PLXDC2: variants seen among roughly 807,000 people sequenced by gnomAD.
The protein encoded by PLXDC2 is plexin domain-containing protein 2.
Under a neutral mutation model 68.9 loss-of-function variants are expected in PLXDC2, and 40 were observed. The observed-to-expected ratio is 0.58, with a 90% CI of 0.45 to 0.76. The LOEUF (loss-of-function observed/expected upper bound fraction) is 0.76. PLXDC2 is among the 30% of genes least tolerant of loss of function. The pLI, the probability that PLXDC2 is intolerant of heterozygous loss-of-function variation, is 0.00. For synonymous variants in PLXDC2, 243 were observed against 234.2 expected (o/e 1.04, Z -0.34); for missense variants, 644 against 661.9 (o/e 0.97, Z 0.30).
rs1836094441 is a variant in PLXDC2, at chr10:20,282,495, T to C, written c.*2676T>C. The C allele has an allele frequency of 6.6e-6, 1 of 152,136 alleles. No homozygotes were observed. The highest frequency in any genetic ancestry group is 1.5e-5 in the Non-Finnish European group (1 of 68,018). The allele number at this position is 152,136 out of a possible 1,614,324, so 9.4% of individuals were successfully genotyped here. A position where few individuals can be genotyped will look rare whatever the true frequency, so the allele number is the denominator to read the frequency against. Reference sequence around the variant, plus strand: ...CAAACTTCTGGATAAATCAGATAAATGGTGCTACAGAGGAATTTAGTTATT... The same window carrying C: ...CAAACTTCTGGATAAATCAGATAAACGGTGCTACAGAGGAATTTAGTTATT... On this transcript the variant is annotated 3_prime_UTR_variant, in exon 14 of 14. Transcript: ENST00000377252.
chr10:20,022,057 A>T (rs1003109232), intron 2 of PLXDC2, among the ~76,000 whole-genome samples: 2 of 152,238 alleles, frequency 1.3e-5, no homozygotes, highest in Admixed American at 6.5e-5. Flanking sequence ...CTCAGCAAGA[A>T]TGCATCACGG....
At chr10:20,179,283 A>T (rs1351826076) in intron 9 of PLXDC2, among the ~76,000 whole-genome samples, 1 of 152,030 alleles carries the variant, frequency 6.6e-6, no homozygotes, top group Non-Finnish European at 1.5e-5. Flanking sequence ...ACGCTTGTTC[A>T]TTTGTCGTCT....
intron 4 of PLXDC2, among the ~76,000 whole-genome samples, chr10:20,126,465 C>CAT (rs374224384): frequency 0.068 from 3,338 of 48,840 alleles, 1,177 homozygotes; most frequent in Middle Eastern, 0.25. Context: ...ATACAACACA[C>CAT]GTTATATATG....
Position 20,249,698 on chromosome 10 carries a change from C to T in PLXDC2, c.1473+4193C>T, listed in dbSNP as rs546663396. Among the ~76,000 whole-genome samples, 16 of 152,176 alleles carry T rather than the reference C, an allele frequency of 1.1e-4. No individual in the cohort carries two copies. The South Asian group carries it at 2.9e-3, about 28-fold the overall frequency. On this transcript the variant is annotated intron_variant, in intron 13 of 13. Coordinates refer to ENST00000377252, the MANE Select transcript of PLXDC2 (RefSeq NM_032812.9). ...CCACATCTGCAAAGTTCCTTTTTAC[C>T]GTGTAAGGTAACATTGACACCTTTT...
intron 10 of PLXDC2, among the ~76,000 whole-genome samples, chr10:20,215,530 A>G (rs1835125023): frequency 6.6e-6 from 1 of 151,886 alleles, no homozygotes. Flanking sequence ...GCAAAATAAG[A>G]TTAGGCATGC....
intron 1 of PLXDC2, among the ~76,000 whole-genome samples, chr10:19,896,460 G>C (rs923705081): frequency 8.5e-5 from 13 of 152,204 alleles, no homozygotes; most frequent in Non-Finnish European, 1.5e-4. Flanking sequence ...TTTTGGGATT[G>C]AATGAAGGAA....
intron 2 of PLXDC2, among the ~76,000 whole-genome samples, chr10:20,024,584 T>G (rs553972998): frequency 1.0e-3 from 153 of 152,330 alleles, no homozygotes; most frequent in African/African-American, 3.5e-3. Flanking sequence ...TTTGTTTTTC[T>G]TTTTTAAAAA....
At position 19,994,753 on chromosome 10, in the gene PLXDC2, T is replaced by TG. The variant is rs199891357; in HGVS notation, c.113-7022_113-7021insG. On this transcript the variant is annotated intron_variant, in intron 1 of 13. Coordinates refer to ENST00000377252, the MANE Select transcript of PLXDC2 (RefSeq NM_032812.9). ...AATCATTCATTTATTGATTTTTTTTTTGTGTGTGTGACAGAGTCTCGCTCT... is the reference window on the plus strand; with the variant it reads ...AATCATTCATTTATTGATTTTTTTTTGTGTGTGTGTGACAGAGTCTCGCTCT... Among the ~76,000 whole-genome samples, 789 of 151,152 alleles carry TG rather than the reference T, an allele frequency of 5.2e-3. 5 individuals carry two copies. The highest frequency in any genetic ancestry group is 0.011 in the African/African-American group (446 of 41,212).
intron 1 of PLXDC2, among the ~76,000 whole-genome samples, chr10:19,927,722 A>AG (rs1833562649): frequency 6.7e-6 from 1 of 150,186 alleles, no homozygotes; most frequent in Non-Finnish European, 1.5e-5. Flanking sequence ...GCAAAAAAAA[A>AG]AAAAAAAAAA....
chr10:20,189,542 T>TACACACAC (rs371344350), intron 9 of PLXDC2, among the ~76,000 whole-genome samples: 1 of 118,994 alleles, frequency 8.4e-6, no homozygotes, highest in Non-Finnish European at 1.8e-5. Context: ...CACATATATA[T>TACACACAC]ACACACACAC....
intron 2 of PLXDC2, among the ~76,000 whole-genome samples, chr10:20,010,474 C>G (rs1198064665): frequency 1.3e-5 from 2 of 152,104 alleles, no homozygotes; most frequent in African/African-American, 4.8e-5. Context: ...ATATCTTGCT[C>G]AATTATAGAT....
chr10:20,073,156 A>C (rs1301914593), intron 4 of PLXDC2, among the ~76,000 whole-genome samples: 1 of 152,202 alleles, frequency 6.6e-6, no homozygotes, highest in Non-Finnish European at 1.5e-5. Flanking sequence ...ACCTGTTTCT[A>C]CATTGGGTGT....
intron 7 of PLXDC2, among the ~76,000 whole-genome samples, chr10:20,168,525 G>A (rs1020195323): frequency 1.3e-5 from 2 of 152,168 alleles, no homozygotes; most frequent in African/African-American, 4.8e-5. Context: ...TTCTGACTAT[G>A]TTGATGTGTG....
intron 7 of PLXDC2, among the ~76,000 whole-genome samples, chr10:20,168,460 C>T (rs2358859): frequency 0.36 from 55,171 of 151,982 alleles, 11,125 homozygotes; most frequent in Non-Finnish European, 0.47. Flanking sequence ...AGTGGAACCA[C>T]AGGAGATTCC....
intron 1 of PLXDC2, among the ~76,000 whole-genome samples, chr10:19,972,485 A>G (rs548800373): frequency 6.6e-6 from 1 of 152,342 alleles, no homozygotes; most frequent in South Asian, 2.1e-4. Flanking sequence ...AAACCTATGT[A>G]TCGAGTACTG....
chr10:20,010,607 T>C (rs1835095996), intron 2 of PLXDC2, among the ~76,000 whole-genome samples: 1 of 152,232 alleles, frequency 6.6e-6, no homozygotes, highest in Admixed American at 6.5e-5. Flanking sequence ...TGTTAGCTAA[T>C]TGAGTTTACT....
At chr10:20,193,218 C>T (rs959620957) in intron 9 of PLXDC2, among the ~76,000 whole-genome samples, 3 of 152,012 alleles carry the variant, frequency 2.0e-5, no homozygotes, top group Admixed American at 2.0e-4. Flanking sequence ...ACCATATGGC[C>T]TGTAAGCCCA....
At chr10:19,972,558 A>G (rs1241162272) in intron 1 of PLXDC2, among the ~76,000 whole-genome samples, 1 of 152,220 alleles carries the variant, frequency 6.6e-6, no homozygotes, top group African/African-American at 2.4e-5. Flanking sequence ...CAATTTGCCC[A>G]TGTAACAAAC....
At chr10:20,108,620 A>G (rs922891685) in intron 4 of PLXDC2, among the ~76,000 whole-genome samples, 4 of 152,188 alleles carry the variant, frequency 2.6e-5, no homozygotes, top group African/African-American at 9.6e-5. Flanking sequence ...ACACTTCGCC[A>G]GTACTTGAAA....
Sources: allele counts gnomAD v4.1 joint callset (sites outside exome capture counted in the v4.1 genomes callset), GRCh38; gene constraint gnomAD v4.1.1; transcripts MANE v1.5; gene names NCBI Gene and HGNC (gene_info 2026-07-23, HGNC 2026-07-21).